Variants in FARP1 observed in about 807,000 individuals in gnomAD.
The protein encoded by FARP1 is FERM, ARHGEF and pleckstrin domain-containing protein 1.
Under a neutral mutation model 128.8 loss-of-function variants are expected in FARP1, and 52 were observed. The ratio of observed to expected loss-of-function variants is 0.40; its 90% CI spans 0.32 to 0.51. FARP1 has a LOEUF of 0.51. Among genes scored for constraint, FARP1 ranks in the 20% least tolerant of loss-of-function variants. FARP1 has a pLI of 0.45. For synonymous variants in FARP1, 580 were observed against 551.8 expected (o/e 1.05, Z -0.72); for missense variants, 1,333 against 1,367.9 (o/e 0.97, Z 0.40).
At position 98,308,597 on chromosome 13, in the gene FARP1, CTT is replaced by C. The variant is rs548401394; in HGVS notation, c.172-35164_172-35163del. ...CCTGAGACACACTCAATTTCAAAGA[CTT>C]AACAACAACAACAAAGAATGTAAGA... is the stretch of plus-strand genomic sequence containing the variant. On this transcript the variant is annotated intron_variant, in intron 2 of 26. Coordinates refer to ENST00000319562, the MANE Select transcript of FARP1 (RefSeq NM_005766.4). Among the ~76,000 whole-genome samples, 21 of 152,332 alleles carry C rather than the reference CTT, an allele frequency of 1.4e-4. No individual in the cohort carries two copies. The South Asian group carries it at 3.5e-3, about 26-fold the overall frequency.
intron 3 of FARP1, among the ~76,000 whole-genome samples, chr13:98,346,434 C>T (rs1165174695): frequency 6.6e-6 from 1 of 151,116 alleles, no homozygotes; most frequent in South Asian, 2.1e-4. Context: ...AGGTGATCCG[C>T]CCGCCTCAAT....
intron 1 of FARP1, among the ~76,000 whole-genome samples, chr13:98,212,443 AC>A (rs1449484551): frequency 1.3e-5 from 2 of 152,206 alleles, no homozygotes; most frequent in Non-Finnish European, 2.9e-5. Flanking sequence ...ACAGCAAGCC[AC>A]GCATGTGGAG....
At position 98,440,055 on chromosome 13, in the gene FARP1, GCCCGCCC is replaced by G. The variant is rs1401581816; in HGVS notation, c.2516+14_2516+20del. ...ATCGTGGCCGCCAGGTAACTCGGGA[GCCCGCCC>G]CTTGCCTGTTTCCCCTTTGATGTGC... On this transcript the variant is annotated intron_variant, in intron 22 of 26. Transcript: ENST00000319562. 6 of 1,608,912 alleles carry G rather than the reference GCCCGCCC, an allele frequency of 3.7e-6. No homozygotes were observed. The highest frequency in any genetic ancestry group is 5.1e-6 in the Non-Finnish European group (6 of 1,175,852).
chr13:98,222,430 T>A (rs1386345169), intron 2 of FARP1, among the ~76,000 whole-genome samples: 1 of 152,152 alleles, frequency 6.6e-6, no homozygotes, highest in Non-Finnish European at 1.5e-5. Flanking sequence ...CACCGATTAG[T>A]CTCACAGGGC....
chr13:98,251,839 T>G (rs1883341266), intron 2 of FARP1, among the ~76,000 whole-genome samples: 1 of 152,078 alleles, frequency 6.6e-6, no homozygotes, highest in Non-Finnish European at 1.5e-5. Context: ...TAGCTAATTG[T>G]ATGTATGTAT....
intron 16 of FARP1, among the ~76,000 whole-genome samples, chr13:98,421,642 G>A (rs184003026): frequency 6.6e-6 from 1 of 152,152 alleles, no homozygotes. Flanking sequence ...TGGATCGCTT[G>A]AGTCCAGGAA....
chr13:98,447,200 T>C, intron 26 of FARP1: 1 of 163,294 alleles, frequency 6.1e-6, no homozygotes, highest in Non-Finnish European at 1.3e-5. Context: ...GTTCCTGCAA[T>C]TCATATTTTG....
chr13:98,183,034 T>C (rs368123129), intron 1 of FARP1, among the ~76,000 whole-genome samples: 21 of 152,248 alleles, frequency 1.4e-4, no homozygotes, highest in East Asian at 7.7e-4. Context: ...AGTAAAATTT[T>C]AAGATCCTTT....
At chr13:98,219,873 T>G (rs1488666637) in intron 2 of FARP1, among the ~76,000 whole-genome samples, 1 of 151,948 alleles carries the variant, frequency 6.6e-6, no homozygotes, top group African/African-American at 2.4e-5. Flanking sequence ...CTCGCTATGT[T>G]GCCCAGGCTG....
At chr13:98,395,189 T>TA (rs1176857208) in intron 12 of FARP1, 38 bp from the exon 13 acceptor site, 7 of 1,557,584 alleles carry the variant, frequency 4.5e-6, no homozygotes, top group Admixed American at 1.8e-5. Context: ...GTCTCCCTCT[T>TA]CTCTATCTCT....
intron 3 of FARP1, among the ~76,000 whole-genome samples, chr13:98,356,187 A>T (rs1888630654): frequency 6.6e-6 from 1 of 152,210 alleles, no homozygotes; most frequent in South Asian, 2.1e-4. Context: ...AATCTCTGTA[A>T]TTATAATTGT....
intron 2 of FARP1, among the ~76,000 whole-genome samples, chr13:98,264,574 T>C (rs1884015413): frequency 6.6e-6 from 1 of 152,196 alleles, no homozygotes; most frequent in African/African-American, 2.4e-5. Context: ...GCTGGCAATC[T>C]GGATATGCCA....
rs1012403716 is a variant in FARP1, at chr13:98,226,831, TC to T, written c.171+13419del. On this transcript the variant is annotated intron_variant, in intron 2 of 26. Transcript: ENST00000319562. Reference sequence around the variant, plus strand: ...TTTGTTGTTGTTTTTGAGTTATTTTTCTTCACCATCACTCTCCCACCACCAT... The same window carrying T: ...TTTGTTGTTGTTTTTGAGTTATTTTTTTCACCATCACTCTCCCACCACCAT... 5.3e-5 allele frequency among the ~76,000 whole-genome samples: 8 copies of T among 152,350 alleles called. 2 individuals are homozygous for T. Among genetic ancestry groups the T allele is most frequent in the African/African-American group, 1.9e-4 (8 of 41,584 alleles).
At chr13:98,310,222 C>T (rs7334246) in intron 2 of FARP1, among the ~76,000 whole-genome samples, 5,954 of 152,146 alleles carry the variant, frequency 0.039, 384 homozygotes, top group African/African-American at 0.14. Flanking sequence ...AGTCCTAGAC[C>T]GGATCCCATC....
intron 2 of FARP1, among the ~76,000 whole-genome samples, chr13:98,216,920 G>C (rs768479574): frequency 6.6e-6 from 1 of 152,192 alleles, no homozygotes; most frequent in Non-Finnish European, 1.5e-5. Flanking sequence ...GTGCAAATAA[G>C]CTTCAGCCTG....
intron 2 of FARP1, among the ~76,000 whole-genome samples, chr13:98,248,105 A>G (rs1883155592): frequency 6.6e-6 from 1 of 152,072 alleles, no homozygotes; most frequent in Non-Finnish European, 1.5e-5. Context: ...CAAACAGGCC[A>G]ATGGGTGCAA....
At chr13:98,263,595 A>G (rs971103055) in intron 2 of FARP1, among the ~76,000 whole-genome samples, 3 of 152,236 alleles carry the variant, frequency 2.0e-5, no homozygotes, top group African/African-American at 4.8e-5. Context: ...CCAGTGTGCA[A>G]TTTCAATACA....
intron 3 of FARP1, among the ~76,000 whole-genome samples, chr13:98,352,016 A>G (rs1888455115): frequency 6.6e-6 from 1 of 152,206 alleles, no homozygotes; most frequent in African/African-American, 2.4e-5. Context: ...CAAAATGGAT[A>G]TGCAGTTCTA....
intron 1 of FARP1, among the ~76,000 whole-genome samples, chr13:98,201,863 A>G (rs1879971837): frequency 6.6e-6 from 1 of 152,226 alleles, no homozygotes; most frequent in South Asian, 2.1e-4. Flanking sequence ...TGTTGTTGAA[A>G]TAGGGGTACC....
Sources: allele counts gnomAD v4.1 joint callset (sites outside exome capture counted in the v4.1 genomes callset), GRCh38; gene constraint gnomAD v4.1.1; transcripts MANE v1.5; gene names NCBI Gene and HGNC (gene_info 2026-07-23, HGNC 2026-07-21).